MUSK: variants seen among roughly 807,000 people sequenced by gnomAD.
The protein encoded by MUSK is muscle, skeletal receptor tyrosine-protein kinase.
MUSK carries 55 observed loss-of-function variants against 88.7 expected under a neutral mutation model. The ratio of observed to expected loss-of-function variants is 0.62; its 90% CI spans 0.50 to 0.78. The LOEUF is 0.78. Among genes scored for constraint, MUSK ranks in the 30% least tolerant of loss-of-function variants. The probability of loss-of-function intolerance (pLI) is 0.00; values close to 1 mark genes in which losing one functional copy is unlikely to be tolerated. For synonymous variants in MUSK, 387 were observed against 391.9 expected (o/e 0.99, Z 0.15); for missense variants, 1,015 against 1,074.3 (o/e 0.94, Z 0.77).
In MUSK at chr9:110,734,296, T is replaced by G. The variant is rs759633707; in HGVS notation, c.674T>G (p.Phe225Cys). 4 of 1,613,116 alleles carry G rather than the reference T, an allele frequency of 2.5e-6. No individual in the cohort carries two copies. Among genetic ancestry groups the G allele is most frequent in the Non-Finnish European group, 3.4e-6 (4 of 1,179,472 alleles). Residue 225 changes from phenylalanine (F) to cysteine (C), a missense_variant, in exon 6 of 15, where the codon TTT becomes TGT. By Grantham distance (205) the Phe-to-Cys change is radical. Coordinates refer to ENST00000374448, the MANE Select transcript of MUSK (RefSeq NM_005592.4). ...LRAPESHNVT[F>C]GSFVTLHCTA... ...GCTCCTGAATCCCACAATGTCACCTTTGGCTCCTTTGTGACCCTGCACTGT... is the reference window on the plus strand; with the variant it reads ...GCTCCTGAATCCCACAATGTCACCTGTGGCTCCTTTGTGACCCTGCACTGT...
intron 5 of MUSK, among the ~76,000 whole-genome samples, chr9:110,722,516 C>T (rs993078848): frequency 1.5e-4 from 22 of 150,844 alleles, no homozygotes; most frequent in South Asian, 1.3e-3. Context: ...GGCAACAGAG[C>T]GAGACACCAT....
In MUSK at chr9:110,692,991, AT is replaced by A. The variant is rs566737484; in HGVS notation, c.359-2411del. Reference sequence around the variant, plus strand: ...AGGATAAAAAGCTGGTGGGAATAGCATGACTTTATGGAATACTGATTTGGTA... The same window carrying A: ...AGGATAAAAAGCTGGTGGGAATAGCAGACTTTATGGAATACTGATTTGGTA... On this transcript the variant is annotated intron_variant, in intron 3 of 14. Transcript: ENST00000374448. 6.8e-4 allele frequency among the ~76,000 whole-genome samples: 104 copies of A among 152,258 alleles called. 2 individuals are homozygous for A. The highest frequency in any genetic ancestry group is 6.8e-3 in the Middle Eastern group (2 of 294).
intron 5 of MUSK, among the ~76,000 whole-genome samples, chr9:110,709,805 C>G (rs959989490): frequency 8.6e-5 from 13 of 152,004 alleles, no homozygotes; most frequent in African/African-American, 1.7e-4. Context: ...TTTAAATCTG[C>G]AAGGAGACCC....
rs1313031581 is a variant in MUSK, at chr9:110,806,226, C to T, written c.*5238C>T. 6.6e-6 allele frequency among the ~76,000 whole-genome samples: 1 copy of T among 151,984 alleles called. No individual in the cohort carries two copies. The highest frequency in any genetic ancestry group is 1.5e-5 in the Non-Finnish European group (1 of 67,946). ...ATATGCAGCACTCTGACTCAAACTC[C>T]CTTTCTTTTTCCTGAGATATGTTAA... is the stretch of plus-strand genomic sequence containing the variant. On this transcript the variant is annotated 3_prime_UTR_variant, in exon 15 of 15. Transcript: ENST00000374448.
chr9:110,695,230 T>A (rs1415062118), intron 3 of MUSK, among the ~76,000 whole-genome samples, 173 bp from the exon 4 acceptor site: 1 of 152,210 alleles, frequency 6.6e-6, no homozygotes. Flanking sequence ...TCTAAACTGA[T>A]TTCTGTTTGA....
chr9:110,777,209 G>A (rs540432716), intron 11 of MUSK, among the ~76,000 whole-genome samples: 1 of 152,182 alleles, frequency 6.6e-6, no homozygotes, highest in East Asian at 1.9e-4. Flanking sequence ...AAGGGATGTC[G>A]TACAAAATAA....
At chr9:110,763,704 G>A (rs2077434020) in intron 8 of MUSK, among the ~76,000 whole-genome samples, 1 of 152,186 alleles carries the variant, frequency 6.6e-6, no homozygotes, top group Non-Finnish European at 1.5e-5. Context: ...GCCTGTGCAG[G>A]GAGGGAGGGA....
intron 9 of MUSK, 58 bp downstream of exon 9, chr9:110,768,141 A>C: frequency 1.3e-6 from 2 of 1,503,834 alleles, no homozygotes; most frequent in Non-Finnish European, 1.8e-6. Context: ...GCACAACAGA[A>C]GGAGTTTTTG....
chr9:110,786,423 T>C (rs1218491208), intron 13 of MUSK, among the ~76,000 whole-genome samples: 3 of 152,062 alleles, frequency 2.0e-5, no homozygotes, highest in Admixed American at 2.0e-4. Context: ...TGGAAAACAG[T>C]AGCCTATATG....
At chr9:110,748,505 T>C (rs1301479044) in intron 7 of MUSK, among the ~76,000 whole-genome samples, 1 of 152,158 alleles carries the variant, frequency 6.6e-6, no homozygotes, top group Non-Finnish European at 1.5e-5. Context: ...AGGTTTATTT[T>C]TAAAATGTAA....
chr9:110,702,959 A>C lies in MUSK; in HGVS notation c.628+5493A>C, dbSNP rs991635684. On this transcript the variant is annotated intron_variant, in intron 5 of 14. Transcript: ENST00000374448. The stretch of plus-strand genomic sequence containing the variant: ...ACATTGGTTCCAGGCCAAAAAACCC[A>C]CACACACACAAAACATTGGTTCCAG... 5.9e-5 allele frequency among the ~76,000 whole-genome samples: 9 copies of C among 151,994 alleles called. No individual in the cohort carries two copies. In the South Asian group the frequency reaches 8.3e-4, roughly 14 times the overall value.
intron 5 of MUSK, among the ~76,000 whole-genome samples, chr9:110,730,798 G>A (rs547713514): frequency 6.6e-6 from 1 of 152,142 alleles, no homozygotes; most frequent in East Asian, 1.9e-4. Flanking sequence ...AAACATATCA[G>A]CTTTATTGCT....
chr9:110,712,994 G>C (rs539323173), intron 5 of MUSK, among the ~76,000 whole-genome samples: 6 of 152,202 alleles, frequency 3.9e-5, no homozygotes, highest in Non-Finnish European at 7.4e-5. Context: ...GAGAGGTGAA[G>C]GCCAACAGGG....
rs202045225 is a variant in MUSK, at chr9:110,697,338, T to C, written c.500T>C (p.Ile167Thr). ...GDSPLRENSR[I>T]AVLESGSLRI... is the part of the protein sequence containing the mutation. Reference sequence around the variant, plus strand: ...TATCTCTGGCAGGAAAATTCCCGAATTGCAGTTCTTGAATCTGGGAGCTTG... The same window carrying C: ...TATCTCTGGCAGGAAAATTCCCGAACTGCAGTTCTTGAATCTGGGAGCTTG... The change falls in exon 5 of 15, where the codon ATT becomes ACT. Residue 167 changes from isoleucine (I) to threonine (T), a missense_variant. Physicochemically the swap from Ile to Thr is moderately conservative, Grantham distance 89. Coordinates refer to ENST00000374448, the MANE Select transcript of MUSK (RefSeq NM_005592.4). The C allele has an allele frequency of 8.0e-4, 1,293 of 1,612,716 alleles. 10 individuals are homozygous for C. Among genetic ancestry groups the C allele is most frequent in the South Asian group, 7.3e-3 (664 of 90,798 alleles).
rs1300293664 is a variant in MUSK, at chr9:110,689,717, A to ATAGTTATATATAAATATATAACTATATAT, written c.358+2450_358+2451insAGTTATATATAAATATATAACTATATATT. On this transcript the variant is annotated intron_variant, in intron 3 of 14. Transcript: ENST00000374448. ...GTTATATATAAATATATAACTATAT[A>ATAGTTATATATAAATATATAACTATATAT]TGTTATATATAGTTTATATATAATA... 2.2e-4 allele frequency among the ~76,000 whole-genome samples: 8 copies of ATAGTTATATATAAATATATAACTATATAT among 35,648 alleles called. 2 individuals are homozygous for ATAGTTATATATAAATATATAACTATATAT. Among genetic ancestry groups the ATAGTTATATATAAATATATAACTATATAT allele is most frequent in the African/African-American group, 5.9e-4 (3 of 5,112 alleles). The allele number at this position is 35,648 out of a possible 152,430, so 23.4% of individuals were successfully genotyped here. A position where few individuals can be genotyped will look rare whatever the true frequency, so the allele number is the denominator to read the frequency against.
rs2076820474 is a variant in MUSK at position 110,722,126 on chromosome 9, A to AACC, written c.629-12123_629-12121dup. 3.3e-5 allele frequency among the ~76,000 whole-genome samples: 5 copies of AACC among 152,178 alleles called. No individual in the cohort carries two copies. In the South Asian group the frequency reaches 1.0e-3, roughly 31 times the overall value. On this transcript the variant is annotated intron_variant, in intron 5 of 14. Coordinates refer to ENST00000374448, the MANE Select transcript of MUSK (RefSeq NM_005592.4). ...TCAAGGACTTAAATTGAAGACCTGG[A>AACC]ACCATAAAAATTCTAGAAGATAACA...
chr9:110,798,565 A>G (rs1361689129), intron 14 of MUSK, among the ~76,000 whole-genome samples: 1 of 152,138 alleles, frequency 6.6e-6, no homozygotes, highest in Non-Finnish European at 1.5e-5. Flanking sequence ...CCATCTATGC[A>G]TCCATCCTTA....
intron 9 of MUSK, 116 bp downstream of exon 9, chr9:110,768,199 C>A: frequency 2.7e-6 from 3 of 1,120,092 alleles, no homozygotes; most frequent in Non-Finnish European, 3.8e-6. Flanking sequence ...GGTTTTCATC[C>A]AAAATAGGAG....
chr9:110,748,067 TTCTTA>T (rs1196855767), intron 7 of MUSK: 17 of 598,402 alleles, frequency 2.8e-5, no homozygotes, highest in Admixed American at 4.4e-5. Flanking sequence ...CTTCTTGTTT[TTCTTA>T]TCTTTTTTCC....
Sources: gnomAD v4.1 joint callset for allele counts (sites outside exome capture counted in the v4.1 genomes callset) on GRCh38, gnomAD v4.1.1 for gene constraint, MANE v1.5 for transcripts, NCBI Gene and HGNC (gene_info 2026-07-23, HGNC 2026-07-21) for gene names.